PRKCH: variants seen among roughly 807,000 people sequenced by gnomAD.
The protein encoded by PRKCH is protein kinase C eta.
A neutral mutation model predicts 82.5 loss-of-function variants in PRKCH; 28 were observed. The observed-to-expected ratio is 0.34, with a 90% CI of 0.25 to 0.47. The LOEUF is 0.47. Ranked by LOEUF, PRKCH falls within the 20% of genes least tolerant of loss-of-function variation. The pLI is 1.00. For synonymous variants in PRKCH, 322 were observed against 327.4 expected (o/e 0.98, Z 0.18); for missense variants, 705 against 881.8 (o/e 0.80, Z 2.54).
At chr14:61,488,706 C>T (rs1343929588) in intron 10 of PRKCH, among the ~76,000 whole-genome samples, 6 of 152,292 alleles carry the variant, frequency 3.9e-5, no homozygotes, top group South Asian at 4.1e-4. Flanking sequence ...TGAGTTGGGC[C>T]GAGCAGCAAG....
rs71117807 is a variant in PRKCH at position 61,281,870 on chromosome 14, C to CTTTTTTTTTTTTTT, written c.-19+94220_-19+94233dup. On this transcript the variant is annotated intron_variant, in intron 1 of 3. Transcript: ENST00000555185. ...TTCAACGCCTGCGTTCAAATTTTAG[C>CTTTTTTTTTTTTTT]TTTTTTTTTTTTTTTTTTTTTTTTT... 3 of 94,866 alleles carry CTTTTTTTTTTTTTT rather than the reference C, an allele frequency of 3.2e-5. 1 individual carries two copies. Among genetic ancestry groups the CTTTTTTTTTTTTTT allele is most frequent in the Admixed American group, 1.2e-4 (1 of 8,178 alleles). The allele number at this position is 94,866 out of a possible 1,614,324, so 5.9% of individuals were successfully genotyped here.
At chr14:61,439,914 G>C in intron 2 of PRKCH, among the ~76,000 whole-genome samples, 1 of 152,126 alleles carries the variant, frequency 6.6e-6, no homozygotes. Flanking sequence ...AAAAAAAATA[G>C]GATTCAGTTG....
chr14:61,455,240 A>G (rs186600120), intron 7 of PRKCH, among the ~76,000 whole-genome samples: 1 of 149,510 alleles, frequency 6.7e-6, no homozygotes, highest in Non-Finnish European at 1.5e-5. Context: ...GGGGGTTTCA[A>G]CGTGTTACCC....
rs1320928497 is a variant in PRKCH, at chr14:61,549,724, A to G, written c.1945A>G (p.Ile649Val). 1.2e-6 allele frequency: 2 copies of G among 1,613,708 alleles called. No homozygotes were observed. Among genetic ancestry groups the G allele is most frequent in the South Asian group, 2.2e-5 (2 of 91,060 alleles). ...EDVSNFDPDF[I>V]KEEPVLTPID... ...TGTCAGTAATTTTGACCCTGACTTC[A>G]TAAAGGAAGAGCCAGTTTTAACTCC... Residue 649 changes from isoleucine to valine, a missense_variant, in exon 14 of 14, where the codon ATA (isoleucine) becomes GTA (valine). By Grantham distance (29) the Ile-to-Val change is conservative (BLOSUM62 3). This residue lies in a region of PRKCH where 91 missense variants were observed against 81.2 expected (regional missense o/e 1.12). Coordinates refer to ENST00000332981, the MANE Select transcript of PRKCH (RefSeq NM_006255.5).
At chr14:61,382,684 C>T (rs1244245108) in intron 1 of PRKCH, among the ~76,000 whole-genome samples, 1 of 152,206 alleles carries the variant, frequency 6.6e-6, no homozygotes, top group Admixed American at 6.5e-5. Context: ...ATTTTGTCAA[C>T]TTCTCTATTA....
At chr14:61,204,478 G>C (rs1251333313) in intron 1 of PRKCH, among the ~76,000 whole-genome samples, 1 of 152,152 alleles carries the variant, frequency 6.6e-6, no homozygotes, top group African/African-American at 2.4e-5. Context: ...CAACAGGCCA[G>C]GTGCAGTGGC....
At chr14:61,246,059 A>T (rs1305772083) in intron 1 of PRKCH, among the ~76,000 whole-genome samples, 2 of 152,148 alleles carry the variant, frequency 1.3e-5, no homozygotes, top group African/African-American at 4.8e-5. Flanking sequence ...GCTGCTATTC[A>T]TTGGACAAAT....
intron 1 of PRKCH, among the ~76,000 whole-genome samples, chr14:61,371,590 A>G (rs960108966): frequency 3.3e-5 from 5 of 152,092 alleles, no homozygotes; most frequent in Admixed American, 6.5e-5. Flanking sequence ...ACAGGCAGGC[A>G]TAGTACCACA....
intron 1 of PRKCH, among the ~76,000 whole-genome samples, chr14:61,329,254 T>TTTTTG (rs1555375988): frequency 9.0e-5 from 11 of 122,514 alleles, no homozygotes; most frequent in African/African-American, 2.3e-4. Context: ...TTTTTTTTTT[T>TTTTTG]GAGACAGAAT....
intron 1 of PRKCH, among the ~76,000 whole-genome samples, chr14:61,223,588 C>T (rs1486416700): frequency 6.6e-6 from 1 of 152,250 alleles, no homozygotes; most frequent in Non-Finnish European, 1.5e-5. Context: ...TCTTTTCCCA[C>T]ACTCCATTAG....
At chr14:61,355,870 C>CG (rs1172464208) in intron 1 of PRKCH, among the ~76,000 whole-genome samples, 8 of 152,214 alleles carry the variant, frequency 5.3e-5, no homozygotes, top group Non-Finnish European at 1.2e-4. Context: ...AGAAGTGTCA[C>CG]TTGCAAGAGA....
chr14:61,518,666 T>C (rs1019241132), intron 10 of PRKCH, among the ~76,000 whole-genome samples: 2 of 152,154 alleles, frequency 1.3e-5, no homozygotes, highest in Non-Finnish European at 2.9e-5. Flanking sequence ...TTGCTCAACT[T>C]AAGTTGGTCC....
chr14:61,290,806 A>T (rs1470437650), intron 1 of PRKCH, among the ~76,000 whole-genome samples: 1 of 151,464 alleles, frequency 6.6e-6, no homozygotes, highest in East Asian at 1.9e-4. Context: ...AGGGTTGCTT[A>T]AAAAAAAAGA....
intron 1 of PRKCH, among the ~76,000 whole-genome samples, chr14:61,225,872 G>A (rs2044693040): frequency 6.6e-6 from 1 of 151,894 alleles, no homozygotes; most frequent in South Asian, 2.1e-4. Context: ...CCATATAGCT[G>A]GAACTACAGG....
intron 10 of PRKCH, among the ~76,000 whole-genome samples, chr14:61,519,645 CA>C (rs111595413): frequency 0.033 from 5,043 of 152,134 alleles, 246 homozygotes; most frequent in East Asian, 0.26. Context: ...TGGTCTTCAG[CA>C]AGATATTCCA....
Position 61,450,984 on chromosome 14 carries a change from G to A in PRKCH, c.832+13G>A, listed in dbSNP as rs1280866464. On this transcript the variant is annotated intron_variant, in intron 6 of 13. Transcript: ENST00000332981. ...CTTCAGTGTAAAAGTGAGATGCTGAGGTGCTGGGTACCCACCTCTTCATGG... is the reference window on the plus strand; with the variant it reads ...CTTCAGTGTAAAAGTGAGATGCTGAAGTGCTGGGTACCCACCTCTTCATGG... The A allele has an allele frequency of 1.2e-6, 2 of 1,613,202 alleles. No individual in the cohort carries two copies. The highest frequency in any genetic ancestry group is 1.7e-6 in the Non-Finnish European group (2 of 1,179,530).
intron 2 of PRKCH, among the ~76,000 whole-genome samples, chr14:61,427,270 T>C (rs908223574): frequency 1.3e-5 from 2 of 152,198 alleles, no homozygotes; most frequent in African/African-American, 4.8e-5. Flanking sequence ...TTAGAATCAA[T>C]AGAAAGGAGT....
chr14:61,389,739 C>G (rs987292774), intron 1 of PRKCH, among the ~76,000 whole-genome samples: 3 of 151,818 alleles, frequency 2.0e-5, no homozygotes, highest in African/African-American at 7.3e-5. Context: ...ATAATGATGC[C>G]ATAGACTTTT....
chr14:61,502,253 G>A (rs1007795938), intron 10 of PRKCH, among the ~76,000 whole-genome samples: 3 of 151,780 alleles, frequency 2.0e-5, no homozygotes, highest in South Asian at 2.1e-4. Flanking sequence ...TAGTAGAGAC[G>A]GGTGTCACTA....
Sources: gnomAD v4.1 joint callset for allele counts (sites outside exome capture counted in the v4.1 genomes callset) on GRCh38, gnomAD v4.1.1 for gene constraint, gnomAD v4.1.1 regional missense constraint, MANE v1.5 for transcripts, NCBI Gene and HGNC (gene_info 2026-07-23, HGNC 2026-07-21) for gene names.